Variants in PARD6G observed in about 807,000 individuals in gnomAD.
PARD6G encodes par-6 family cell polarity regulator gamma.
Under a neutral mutation model 10.7 loss-of-function variants are expected in PARD6G, and 7 were observed. That is an observed-to-expected ratio of 0.66 (90% CI 0.37 to 1.23). PARD6G has a LOEUF of 1.23. Ranked by LOEUF, PARD6G falls within the 50% of genes most tolerant of loss-of-function variation. The pLI, the probability that PARD6G is intolerant of heterozygous loss-of-function variation, is 0.02. For synonymous variants in PARD6G, 287 were observed against 269.4 expected, an observed-to-expected ratio of 1.07 and a Z score of -0.64; for missense variants, 548 against 571.8, an observed-to-expected ratio of 0.96 and a Z score of 0.42.
intron 2 of PARD6G, among the ~76,000 whole-genome samples, chr18:80,165,092 C>A (rs571982336): frequency 1.3e-5 from 2 of 152,306 alleles, no homozygotes; most frequent in African/African-American, 4.8e-5. Flanking sequence ...GAGCAGAGAA[C>A]CGGTCTGACC....
chr18:80,172,130 A>G (rs1306368316), intron 2 of PARD6G, among the ~76,000 whole-genome samples: 1 of 152,150 alleles, frequency 6.6e-6, no homozygotes, highest in Non-Finnish European at 1.5e-5. Flanking sequence ...CAGCGGTTGA[A>G]ACATTTTCTA....
At chr18:80,185,859 C>G (rs1226488670) in intron 2 of PARD6G, among the ~76,000 whole-genome samples, 2 of 149,152 alleles carry the variant, frequency 1.3e-5, no homozygotes, top group Non-Finnish European at 3.0e-5. Context: ...CACAGGCACC[C>G]TCTCGCATAT....
chr18:80,177,361 T>TAC (rs112789791), intron 2 of PARD6G, among the ~76,000 whole-genome samples: 18,547 of 114,236 alleles, frequency 0.16, 1,462 homozygotes, highest in Middle Eastern at 0.22. Context: ...CATACACATG[T>TAC]ACACACACAC....
At chr18:80,232,892 G>C (rs905796209) in intron 1 of PARD6G, among the ~76,000 whole-genome samples, 1 of 152,182 alleles carries the variant, frequency 6.6e-6, no homozygotes, top group Non-Finnish European at 1.5e-5. Flanking sequence ...CACATCCCTG[G>C]GGAACTGCTA....
At position 80,192,246 on chromosome 18, in the gene PARD6G, G is replaced by T. The variant is rs1202457705; in HGVS notation, c.295+10464C>A. ...GAACATCAATGAACACTCTCCTTCGGTGGTCTCTGAGTCGTCCCTGAGGTG... is the reference window on the plus strand; with the variant it reads ...GAACATCAATGAACACTCTCCTTCGTTGGTCTCTGAGTCGTCCCTGAGGTG... On this transcript the variant is annotated intron_variant, in intron 2 of 2. Transcript: ENST00000353265. This position sits in a 1 kb window ranked among gnomAD's most constrained non-coding sequence, Gnocchi z 4.9. 6.6e-6 allele frequency among the ~76,000 whole-genome samples: 1 copy of T among 152,254 alleles called. No homozygotes were observed. The highest frequency in any genetic ancestry group is 1.5e-5 in the Non-Finnish European group (1 of 68,046).
rs2052846133 is a variant in PARD6G, at chr18:80,181,052, A to G, written c.296-20446T>C. 6.6e-6 allele frequency among the ~76,000 whole-genome samples: 1 copy of G among 152,166 alleles called. No homozygotes were observed. The highest frequency in any genetic ancestry group is 2.1e-4 in the South Asian group (1 of 4,822). Reference sequence around the variant, plus strand: ...GGCGGCTCCTACAGTCAGGCTGTTCAAAGGTCTGAACCTCACGCGCGATCT... The same window carrying G: ...GGCGGCTCCTACAGTCAGGCTGTTCGAAGGTCTGAACCTCACGCGCGATCT... On this transcript the variant is annotated intron_variant, in intron 2 of 2. Transcript: ENST00000353265. The surrounding 1 kb of genome is among the most constrained non-coding windows in gnomAD (Gnocchi z 7.9).
chr18:80,181,342 C>T lies in PARD6G; in HGVS notation c.296-20736G>A, dbSNP rs2052847743. ...CTGGGATGTCTGCGGAAGCTGTGGT[C>T]CCGATGCCACACACGCCAAGGCAGG... On this transcript the variant is annotated intron_variant, in intron 2 of 2. Coordinates refer to ENST00000353265, the MANE Select transcript of PARD6G (RefSeq NM_032510.4). The surrounding 1 kb of genome is among the most constrained non-coding windows in gnomAD (Gnocchi z 7.9). Among the ~76,000 whole-genome samples, 1 of 152,176 alleles carries T rather than the reference C, an allele frequency of 6.6e-6. No homozygotes were observed. Among genetic ancestry groups the T allele is most frequent in the Non-Finnish European group, 1.5e-5 (1 of 68,038 alleles).
intron 2 of PARD6G, among the ~76,000 whole-genome samples, chr18:80,172,815 G>A (rs137894996): frequency 1.5e-4 from 23 of 152,298 alleles, no homozygotes; most frequent in Non-Finnish European, 3.4e-4. Context: ...GTCCATTGAC[G>A]TACAGCAGGT....
rs373931755 is a variant in PARD6G at position 80,160,023 on chromosome 18, C to T, written c.879G>A (p.Ala293=). Residue 293 remains alanine, a synonymous_variant, in exon 3 of 3, where the codon GCG becomes GCA. Transcript: ENST00000353265. The part of the protein sequence containing the change: ...RVLQNFHPDE[A]ESDEDNDVVI... ...CGACGTCGTTGTCCTCATCGCTCTC[C>T]GCCTCGTCGGGGTGGAAGTTCTGCA... The T allele has an allele frequency of 7.2e-6, 11 of 1,534,632 alleles. No homozygotes were observed. The highest frequency in any genetic ancestry group is 2.3e-5 in the East Asian group (1 of 43,762).
chr18:80,239,210 C>A (rs1037910417), intron 1 of PARD6G, among the ~76,000 whole-genome samples: 2 of 151,974 alleles, frequency 1.3e-5, no homozygotes, highest in Non-Finnish European at 2.9e-5. Flanking sequence ...ATGGGAGCAG[C>A]AGGGAGAAGA....
chr18:80,191,556 C>T (rs1461922966), intron 2 of PARD6G, among the ~76,000 whole-genome samples: 1 of 152,200 alleles, frequency 6.6e-6, no homozygotes, highest in African/African-American at 2.4e-5. Flanking sequence ...AGATTGCAGG[C>T]AGCTCAGACA....
chr18:80,164,360 A>G lies in PARD6G; in HGVS notation c.296-3754T>C, dbSNP rs181273260. On this transcript the variant is annotated intron_variant, in intron 2 of 2. Coordinates refer to ENST00000353265, the MANE Select transcript of PARD6G (RefSeq NM_032510.4). Reference sequence around the variant, plus strand: ...CAACTACTGCAAATCCCTCCCCTGCACTCCAAACCCTCCAACCTGTGAGGG... The same window carrying G: ...CAACTACTGCAAATCCCTCCCCTGCGCTCCAAACCCTCCAACCTGTGAGGG... Among the ~76,000 whole-genome samples, 11 of 152,202 alleles carry G rather than the reference A, an allele frequency of 7.2e-5. No individual in the cohort carries two copies. The East Asian group carries it at 2.1e-3, about 29-fold the overall frequency.
At chr18:80,177,228 A>G (rs1198115537) in intron 2 of PARD6G, among the ~76,000 whole-genome samples, 1 of 146,642 alleles carries the variant, frequency 6.8e-6, no homozygotes, top group Non-Finnish European at 1.5e-5. Flanking sequence ...GCACACACAC[A>G]CACACACACA....
intron 2 of PARD6G, among the ~76,000 whole-genome samples, chr18:80,165,755 C>T (rs1457252478): frequency 6.6e-6 from 1 of 152,172 alleles, no homozygotes; most frequent in African/African-American, 2.4e-5. Context: ...TGGTGTTGAA[C>T]TGTTAACCTC....
At position 80,181,438 on chromosome 18, in the gene PARD6G, G is replaced by A. The variant is rs1167989786; in HGVS notation, c.296-20832C>T. Among the ~76,000 whole-genome samples the A allele has an allele frequency of 6.6e-6, 1 of 152,170 alleles. No individual in the cohort carries two copies. The highest frequency in any genetic ancestry group is 1.5e-5 in the Non-Finnish European group (1 of 68,032). ...GCACACCCAGGTCACCAGGGACACG[G>A]TGACATGCCGCTGTGAGCCCTCAAG... On this transcript the variant is annotated intron_variant, in intron 2 of 2. Transcript: ENST00000353265. This position sits in a 1 kb window ranked among gnomAD's most constrained non-coding sequence, Gnocchi z 7.9.
At chr18:80,223,076 A>T (rs1412937605) in intron 1 of PARD6G, among the ~76,000 whole-genome samples, 2 of 152,222 alleles carry the variant, frequency 1.3e-5, no homozygotes, top group African/African-American at 4.8e-5. Context: ...CATGCAAAAC[A>T]ATAAAGCTGG....
At chr18:80,185,327 G>A (rs2052868410) in intron 2 of PARD6G, among the ~76,000 whole-genome samples, 1 of 151,632 alleles carries the variant, frequency 6.6e-6, no homozygotes, top group South Asian at 2.1e-4. Flanking sequence ...TTTTTAAGAG[G>A]CGAAGTCTTG....
rs754022360 is a variant in PARD6G at position 80,159,752 on chromosome 18, T to TTGGGGGCCTCTCGGGAGTCTAGA, written c.1127_*18dup. The TTGGGGGCCTCTCGGGAGTCTAGA allele has an allele frequency of 7.2e-7, 1 of 1,384,388 alleles. No homozygotes were observed. Among genetic ancestry groups the TTGGGGGCCTCTCGGGAGTCTAGA allele is most frequent in the South Asian group, 1.7e-5 (1 of 57,632 alleles). The allele number at this position is 1,384,388 out of a possible 1,614,324, so 85.8% of individuals were successfully genotyped here. A position where few individuals can be genotyped will look rare whatever the true frequency, so the allele number is the denominator to read the frequency against. On this transcript the variant is annotated 3_prime_UTR_variant, in exon 3 of 3. Coordinates refer to ENST00000353265, the MANE Select transcript of PARD6G (RefSeq NM_032510.4). Reference sequence around the variant, plus strand: ...CTTACCGGGGAACTGGAGCTAGGATTTGGGGGCCTCTCGGGAGTCTAGAGC... The same window carrying TTGGGGGCCTCTCGGGAGTCTAGA: ...CTTACCGGGGAACTGGAGCTAGGATTTGGGGGCCTCTCGGGAGTCTAGATGGGGGCCTCTCGGGAGTCTAGAGC...
intron 2 of PARD6G, among the ~76,000 whole-genome samples, chr18:80,164,527 G>T (rs1035961449): frequency 6.6e-6 from 1 of 152,222 alleles, no homozygotes. Context: ...GAAACTGGGG[G>T]GTCCTGGGCC....
Sources: gnomAD v4.1 joint callset for allele counts (sites outside exome capture counted in the v4.1 genomes callset) on GRCh38, gnomAD v4.1.1 for gene constraint, Gnocchi (gnomAD v3.1) non-coding constraint, MANE v1.5 for transcripts, NCBI Gene and HGNC (gene_info 2026-07-23, HGNC 2026-07-21) for gene names.